TAFA4: variants seen among roughly 807,000 people sequenced by gnomAD.
TAFA4 encodes the protein chemokine-like protein TAFA-4.
TAFA4 carries 20 observed loss-of-function variants against 21.1 expected under a neutral mutation model. The observed-to-expected ratio is 0.95, with a 90% confidence interval of 0.67 to 1.38. The LOEUF is 1.38. Among genes scored for constraint, TAFA4 ranks in the 40% most tolerant of loss-of-function variants. The probability of loss-of-function intolerance (pLI) is 0.00; values close to 1 mark genes in which losing one functional copy is unlikely to be tolerated. For missense variants in TAFA4, 211 were observed against 180.9 expected (o/e 1.17, Z -0.95); for synonymous variants, 71 against 67.4 (o/e 1.05, Z -0.26).
chr3:68,847,612 A>T (rs1312747873), intron 3 of TAFA4, among the ~76,000 whole-genome samples: 1 of 152,210 alleles, frequency 6.6e-6, no homozygotes, highest in Non-Finnish European at 1.5e-5. Context: ...TTTGTGCTTG[A>T]AACCCAGGGC....
In TAFA4 at chr3:68,743,121, T is replaced by C. The variant is rs912978658; in HGVS notation, c.287-3922A>G. 3.0e-4 allele frequency among the ~76,000 whole-genome samples: 45 copies of C among 152,168 alleles called. 3 individuals carry two copies. Among genetic ancestry groups the C allele is most frequent in the Non-Finnish European group, 7.3e-5 (5 of 68,042 alleles). ...ATCTAGTGATATCCATCAAAACAAA[T>C]AGTACCTAAGTCAGGTGGATTTGTG... On this transcript the variant is annotated intron_variant, in intron 4 of 5. Transcript: ENST00000295569.
chr3:68,844,813 T>C (rs776634669), intron 3 of TAFA4, among the ~76,000 whole-genome samples: 42 of 152,236 alleles, frequency 2.8e-4, no homozygotes, highest in Non-Finnish European at 4.7e-4. Flanking sequence ...TCAGTTTCCA[T>C]GCATTTGCGT....
chr3:68,883,882 A>G (rs2089643962), intron 2 of TAFA4, among the ~76,000 whole-genome samples: 1 of 152,092 alleles, frequency 6.6e-6, no homozygotes. Flanking sequence ...GGAGCGAGCT[A>G]TGATTATACC....
chr3:68,745,293 T>C, intron 4 of TAFA4, among the ~76,000 whole-genome samples: 1 of 152,228 alleles, frequency 6.6e-6, no homozygotes, highest in East Asian at 1.9e-4. Flanking sequence ...TGAGAACATC[T>C]GCCCACTTTA....
intron 3 of TAFA4, among the ~76,000 whole-genome samples, chr3:68,823,316 C>T (rs181018654): frequency 4.3e-4 from 66 of 152,320 alleles, no homozygotes; most frequent in African/African-American, 1.6e-3. Flanking sequence ...TACCCACAAA[C>T]TTGTCATCAA....
intron 3 of TAFA4, among the ~76,000 whole-genome samples, chr3:68,832,326 T>C (rs1704418670): frequency 6.6e-6 from 1 of 152,226 alleles, no homozygotes; most frequent in Non-Finnish European, 1.5e-5. Context: ...TTTATCTACC[T>C]TTGGTCTTTG....
intron 3 of TAFA4, among the ~76,000 whole-genome samples, chr3:68,840,137 G>A (rs937537064): frequency 4.6e-5 from 7 of 152,264 alleles, no homozygotes; most frequent in Admixed American, 3.3e-4. Context: ...ATGGCAAATG[G>A]GGCTATGTCA....
intron 1 of TAFA4, among the ~76,000 whole-genome samples, chr3:68,901,340 T>C (rs567668586): frequency 6.6e-6 from 1 of 152,274 alleles, no homozygotes; most frequent in African/African-American, 2.4e-5. Flanking sequence ...ATTCTTATCT[T>C]TGCTTGGCCT....
Position 68,732,999 on chromosome 3 carries a change from G to C in TAFA4, c.*143C>G, listed in dbSNP as rs1355468141. 1 of 1,027,992 alleles carries C rather than the reference G, an allele frequency of 9.7e-7. No individual in the cohort carries two copies. The highest frequency in any genetic ancestry group is 1.6e-5 in the African/African-American group (1 of 62,430). 63.7% of individuals were successfully genotyped at this position (1,027,992 alleles called of 1,614,324 possible). A position where few individuals can be genotyped will look rare whatever the true frequency, so the allele number is the denominator to read the frequency against. On this transcript the variant is annotated 3_prime_UTR_variant, in exon 6 of 6. Transcript: ENST00000295569. ...AGAGGGCTGGGCCAGTTAAGTGAAT[G>C]CCACCTCTCACAGCTCACATATACA...
intron 2 of TAFA4, among the ~76,000 whole-genome samples, chr3:68,881,836 A>G (rs563416309): frequency 1.3e-5 from 2 of 152,174 alleles, no homozygotes; most frequent in Non-Finnish European, 2.9e-5. Flanking sequence ...AGGAAGTCCT[A>G]TAAGGAAGCA....
chr3:68,767,836 T>G (rs1052474293), intron 3 of TAFA4, among the ~76,000 whole-genome samples: 3 of 152,056 alleles, frequency 2.0e-5, no homozygotes, highest in African/African-American at 7.2e-5. Context: ...CACACATATA[T>G]GCATACATGT....
At chr3:68,791,188 G>A (rs1703354382) in intron 3 of TAFA4, among the ~76,000 whole-genome samples, 1 of 152,202 alleles carries the variant, frequency 6.6e-6, no homozygotes, top group South Asian at 2.1e-4. Flanking sequence ...TGTCCCATCA[G>A]AAGATATGTT....
intron 3 of TAFA4, among the ~76,000 whole-genome samples, chr3:68,834,183 A>G (rs1240704029): frequency 3.3e-5 from 5 of 152,196 alleles, no homozygotes; most frequent in African/African-American, 1.2e-4. Flanking sequence ...GGGTCTGCCT[A>G]CTTAAGCAGA....
intron 1 of TAFA4, among the ~76,000 whole-genome samples, chr3:68,895,064 C>T (rs928964966): frequency 6.6e-6 from 1 of 152,028 alleles, no homozygotes; most frequent in Non-Finnish European, 1.5e-5. Context: ...ATCGCCCAGG[C>T]TCGGCTTACT....
chr3:68,885,467 C>T (rs888527061), intron 1 of TAFA4, among the ~76,000 whole-genome samples, 157 bp from the exon 2 acceptor site: 1 of 152,220 alleles, frequency 6.6e-6, no homozygotes, highest in Middle Eastern at 3.4e-3. Context: ...TGTAAGGTGT[C>T]CTACTATTAG....
chr3:68,895,798 T>C (rs902249), intron 1 of TAFA4, among the ~76,000 whole-genome samples: 83,387 of 151,900 alleles, frequency 0.55, 23,350 homozygotes, highest in East Asian at 0.74. Flanking sequence ...CATTATAGCA[T>C]GTGGAGACAA....
chr3:68,846,384 T>C (rs992384164), intron 3 of TAFA4, among the ~76,000 whole-genome samples: 6 of 152,072 alleles, frequency 3.9e-5, no homozygotes, highest in African/African-American at 1.4e-4. Flanking sequence ...TATGTTCTTC[T>C]CCAAACTGGT....
rs181090146 is a variant in TAFA4, at chr3:68,814,543, T to C, written c.131-61525A>G. Among the ~76,000 whole-genome samples the C allele has an allele frequency of 8.5e-4, 130 of 152,302 alleles. 4 individuals are homozygous for C. In the East Asian group the frequency reaches 0.023, roughly 27 times the overall value. On this transcript the variant is annotated intron_variant, in intron 3 of 5. Transcript: ENST00000295569. Reference sequence around the variant, plus strand: ...CAATAACAGACAGACAGCCAAATCATGAGTGAACTCCCATTCACAATCGCC... The same window carrying C: ...CAATAACAGACAGACAGCCAAATCACGAGTGAACTCCCATTCACAATCGCC...
At chr3:68,825,022 T>A (rs1704196284) in intron 3 of TAFA4, among the ~76,000 whole-genome samples, 1 of 152,212 alleles carries the variant, frequency 6.6e-6, no homozygotes, top group Non-Finnish European at 1.5e-5. Context: ...TATGCAGGTT[T>A]GTTACATAGG....
Sources: allele counts gnomAD v4.1 joint callset (sites outside exome capture counted in the v4.1 genomes callset), GRCh38; gene constraint gnomAD v4.1.1; transcripts MANE v1.5; gene names NCBI Gene and HGNC (gene_info 2026-07-23, HGNC 2026-07-21).